Variants in PKHD1 observed in about 807,000 individuals in gnomAD.
PKHD1 encodes fibrocystin.
A neutral mutation model predicts 412.0 loss-of-function variants in PKHD1; 291 were observed. The ratio of observed to expected loss-of-function variants is 0.71; its 90% CI spans 0.64 to 0.78. The LOEUF (loss-of-function observed/expected upper bound fraction) is 0.78. Ranked by LOEUF, PKHD1 falls within the 30% of genes least tolerant of loss-of-function variation. PKHD1 has a pLI of 0.00. For synonymous variants in PKHD1, 1,777 were observed against 1,821.5 expected (o/e 0.98, Z 0.62); for missense variants, 4,825 against 4,950.7 (o/e 0.97, Z 0.76).
chr6:51,798,010 C>T (rs1479504202), intron 52 of PKHD1, among the ~76,000 whole-genome samples: 1 of 152,080 alleles, frequency 6.6e-6, no homozygotes, highest in Non-Finnish European at 1.5e-5. Flanking sequence ...GTGCCAAATT[C>T]CCTCAGCATT....
intron 53 of PKHD1, among the ~76,000 whole-genome samples, chr6:51,788,365 C>T (rs890657837): frequency 6.6e-6 from 1 of 151,922 alleles, no homozygotes; most frequent in Non-Finnish European, 1.5e-5. Context: ...CTCTGTGCTT[C>T]TCCACCCTAC....
chr6:51,864,229 C>G (rs142440461), intron 48 of PKHD1, among the ~76,000 whole-genome samples: 248 of 152,234 alleles, frequency 1.6e-3, no homozygotes, highest in African/African-American at 5.8e-3. Flanking sequence ...CCAAAGCAGA[C>G]AGCAGGACAC....
intron 13 of PKHD1, among the ~76,000 whole-genome samples, chr6:52,064,143 G>T (rs1447008848): frequency 6.6e-6 from 1 of 152,194 alleles, no homozygotes; most frequent in Non-Finnish European, 1.5e-5. Context: ...TTCTTCCCCT[G>T]CTGGGCAACT....
At chr6:51,640,381 G>T (rs1769188379) in intron 63 of PKHD1, among the ~76,000 whole-genome samples, 1 of 152,156 alleles carries the variant, frequency 6.6e-6, no homozygotes, top group East Asian at 1.9e-4. Flanking sequence ...TCTCTACAAA[G>T]ATTCCCATAT....
Position 52,025,685 on chromosome 6 carries a change from A to G in PKHD1, c.4125T>C (p.Phe1375=). ...GCTGGAGCACCACAGACATATTAGC[A>G]AATCCCATCTGCTTCTGACGTACTT... ...PLQVRQKQMG[F]ANMSVVLQQF... is the part of the protein sequence containing the mutation. Residue 1375 remains phenylalanine (F), a synonymous_variant, in exon 32 of 67, where the codon TTT becomes TTC. Coordinates refer to ENST00000371117, the MANE Select transcript of PKHD1 (RefSeq NM_138694.4). 1 of 1,614,234 alleles carries G rather than the reference A, an allele frequency of 6.2e-7. No homozygotes were observed. Among genetic ancestry groups the G allele is most frequent in the Non-Finnish European group, 8.5e-7 (1 of 1,180,046 alleles).
chr6:51,883,946 CAAG>C (rs927994678), intron 45 of PKHD1, among the ~76,000 whole-genome samples: 20 of 152,254 alleles, frequency 1.3e-4, no homozygotes, highest in Middle Eastern at 3.4e-3. Context: ...ACTGATGCAG[CAAG>C]AAGGTCCTCA....
rs77388447 is a variant in PKHD1 at position 51,738,897 on chromosome 6, A to G, written c.10156+5488T>C. Among the ~76,000 whole-genome samples the G allele has an allele frequency of 5.4e-3, 821 of 152,126 alleles. 22 individuals are homozygous for G. The South Asian group carries it at 0.073, about 14-fold the overall frequency. On this transcript the variant is annotated intron_variant, in intron 60 of 66. Coordinates refer to ENST00000371117, the MANE Select transcript of PKHD1 (RefSeq NM_138694.4). ...TCTCATTTGAAATGCAACTATTTCA[A>G]ATAGCAATTCGCCTGCACACAAGAC... is the stretch of plus-strand genomic sequence containing the variant.
rs1196694870 is a variant in PKHD1 at position 52,025,190 on chromosome 6, T to C, written c.4620A>G (p.Thr1540=). ...AGTGGGGTCCTGGGGCCAAGTCTCT[T>C]GTCTGGCACACAACGTGGCTTGCAT... ...FFNASHVVCQ[T]RDLAPGPHYL... The change falls in exon 32 of 67, where the codon ACA becomes ACG. Residue 1540 remains threonine, a synonymous_variant. Coordinates refer to ENST00000371117, the MANE Select transcript of PKHD1 (RefSeq NM_138694.4). The C allele has an allele frequency of 1.9e-6, 3 of 1,614,202 alleles. No homozygotes were observed. The highest frequency in any genetic ancestry group is 2.2e-5 in the South Asian group (2 of 91,090).
At chr6:51,631,755 C>T (rs1767940529) in intron 65 of PKHD1, among the ~76,000 whole-genome samples, 1 of 151,914 alleles carries the variant, frequency 6.6e-6, no homozygotes, top group South Asian at 2.1e-4. Context: ...AAGCTTCTTT[C>T]CCTCAGTGAC....
intron 1 of PKHD1, among the ~76,000 whole-genome samples, chr6:52,086,102 A>G (rs1242572921): frequency 6.8e-6 from 1 of 146,000 alleles, no homozygotes; most frequent in African/African-American, 2.5e-5. Context: ...ATACACACAC[A>G]CAAAGTGTGT....
intron 55 of PKHD1, among the ~76,000 whole-genome samples, chr6:51,766,495 TTTAA>T (rs961028923): frequency 1.6e-4 from 24 of 152,116 alleles, no homozygotes; most frequent in African/African-American, 5.8e-4. Flanking sequence ...CCATTACTGT[TTTAA>T]TTAATATTCA....
intron 37 of PKHD1, among the ~76,000 whole-genome samples, chr6:51,923,288 A>T (rs946890202): frequency 6.6e-6 from 1 of 152,200 alleles, no homozygotes; most frequent in South Asian, 2.1e-4. Flanking sequence ...TTTCTGTAAA[A>T]AGAACAGGGA....
intron 27 of PKHD1, among the ~76,000 whole-genome samples, chr6:52,037,164 G>A (rs1247916919): frequency 6.6e-6 from 1 of 151,738 alleles, no homozygotes; most frequent in Non-Finnish European, 1.5e-5. Flanking sequence ...AATAAAATAA[G>A]TAAATATCAC....
rs8180682 is a variant in PKHD1 at position 51,923,938 on chromosome 6, C to A, written c.6121+10172G>T. Among the ~76,000 whole-genome samples, 41 of 152,304 alleles carry A rather than the reference C, an allele frequency of 2.7e-4. No individual in the cohort carries two copies. In the East Asian group the frequency reaches 6.6e-3, roughly 24 times the overall value. Reference sequence around the variant, plus strand: ...AAAATGGAATGAGTTTTAGTTACATCCCCTTGCAGGCCCCAGTTTCATCAT... The same window carrying A: ...AAAATGGAATGAGTTTTAGTTACATACCCTTGCAGGCCCCAGTTTCATCAT... On this transcript the variant is annotated intron_variant, in intron 37 of 66. Transcript: ENST00000371117.
intron 57 of PKHD1, among the ~76,000 whole-genome samples, chr6:51,749,324 T>A (rs1785708933): frequency 6.6e-6 from 1 of 152,196 alleles, no homozygotes; most frequent in African/African-American, 2.4e-5. Context: ...TTTATAAGAT[T>A]TTCTATATCT....
Position 52,025,921 on chromosome 6 carries a change from C to T in PKHD1, c.3889G>A (p.Ala1297Thr). The T allele has an allele frequency of 6.2e-7, 1 of 1,614,192 alleles. No individual in the cohort carries two copies. Among genetic ancestry groups the T allele is most frequent in the Non-Finnish European group, 8.5e-7 (1 of 1,180,046 alleles). ...GCAGTGACTACTGGTGTTGCTGCCG[C>T]TTCATACATGAAGGTGAAGCCTTTC... ...VGKGFTFMYE[A>T]AATPVVTAMQ... Residue 1297 changes from alanine (A) to threonine (T), a missense_variant, in exon 32 of 67, where the codon GCG becomes ACG. By Grantham distance (58) the Ala-to-Thr change is moderately conservative. Coordinates refer to ENST00000371117, the MANE Select transcript of PKHD1 (RefSeq NM_138694.4).
intron 50 of PKHD1, among the ~76,000 whole-genome samples, chr6:51,843,680 C>T (rs764279531): frequency 6.6e-6 from 1 of 152,284 alleles, no homozygotes; most frequent in Non-Finnish European, 1.5e-5. Flanking sequence ...AGTTGGGATA[C>T]ACGATAATAG....
At chr6:51,923,950 C>T (rs968098944) in intron 37 of PKHD1, among the ~76,000 whole-genome samples, 2 of 152,094 alleles carry the variant, frequency 1.3e-5, no homozygotes, top group African/African-American at 4.8e-5. Context: ...CCTTGCAGGC[C>T]CCAGTTTCAT....
At chr6:51,975,963 T>TAAAAAAAAAAAAAAAAA (rs66774242) in intron 35 of PKHD1, 18 of 69,772 alleles carry the variant, frequency 2.6e-4, no homozygotes, top group Non-Finnish European at 3.3e-4. Flanking sequence ...TTTCTCTAAT[T>TAAAAAAAAAAAAAAAAA]AAAAAAAAAA....
Sources: gnomAD v4.1 joint callset for allele counts (sites outside exome capture counted in the v4.1 genomes callset) on GRCh38, gnomAD v4.1.1 for gene constraint, MANE v1.5 for transcripts, NCBI Gene and HGNC (gene_info 2026-07-23, HGNC 2026-07-21) for gene names.